The following PHF8 variants were observed in gnomAD, a reference collection of about 807,000 sequenced individuals.
PHF8 encodes the protein PHD finger protein 8, also known as histone lysine demethylase PHF8.
Under a neutral mutation model 74.4 loss-of-function variants are expected in PHF8, and 9 were observed. The ratio of observed to expected loss-of-function variants is 0.12; its 90% CI spans 0.07 to 0.21. PHF8 has a LOEUF of 0.21. PHF8 is among the 10% of genes least tolerant of loss of function. PHF8 has a pLI of 1.00. For missense variants in PHF8, 478 were observed against 816.6 expected (o/e 0.59, Z 5.05); for synonymous variants, 311 against 316.6 (o/e 0.98, Z 0.19).
intron 1 of PHF8, among the ~76,000 whole-genome samples, chrX:54,043,420 A>G (rs1227580855): frequency 9.0e-6 from 1 of 110,946 alleles, no homozygotes; most frequent in Non-Finnish European, 1.9e-5. Flanking sequence ...ATCACTCTCA[A>G]TATCATTCCT....
chrX:53,962,871 A>T lies in PHF8; in HGVS notation c.2512T>A (p.Ser838Thr), dbSNP rs1369444518. 2 of 1,188,152 alleles carry T rather than the reference A, an allele frequency of 1.7e-6. No homozygotes were observed. The highest frequency in any genetic ancestry group is 1.1e-6 in the Non-Finnish European group (1 of 874,313). ...LKSRPKKKKN[S>T]DDAPWSPKAR... The stretch of plus-strand genomic sequence containing the variant: ...TTAGGACTCCATGGAGCATCATCTG[A>T]ATTCTTCTTTTTCTTGGGTCGAGAT... Residue 838 changes from serine (S) to threonine (T), a missense_variant, in exon 19 of 22, where the codon TCA becomes ACA. Physicochemically the swap from Ser to Thr is moderately conservative, Grantham distance 58. Transcript: ENST00000338154.
chrX:53,996,027 AC>A (rs1237500574), intron 11 of PHF8, among the ~76,000 whole-genome samples: 2 of 110,862 alleles, frequency 1.8e-5, no homozygotes, highest in Admixed American at 9.6e-5. Flanking sequence ...AAAACTATAC[AC>A]CCTTTAGACC....
chrX:53,992,796 G>A lies in PHF8; in HGVS notation c.1670C>T (p.Ser557Leu). The part of the protein sequence containing the change: ...GACLNDSDDD[S>L]PDLDLDGNES... ...ATTTCCATCAAGGTCCAAGTCTGGT[G>A]AGTCGTCATCTGAGTCATTCAAGCA... Residue 557 changes from serine to leucine, a missense_variant, in exon 14 of 22, where the codon TCA becomes TTA. Physicochemically the swap from Ser to Leu is moderately radical, Grantham distance 145. This residue lies in a region of PHF8 where 153 missense variants were observed against 164.8 expected (regional missense o/e 0.93). Transcript: ENST00000338154. 3 of 1,205,495 alleles carry A rather than the reference G, an allele frequency of 2.5e-6. No homozygotes were observed. Among genetic ancestry groups the A allele is most frequent in the Non-Finnish European group, 3.4e-6 (3 of 890,648 alleles).
chrX:53,947,347 T>C (rs1410197250), intron 19 of PHF8, among the ~76,000 whole-genome samples: 2 of 112,424 alleles, frequency 1.8e-5, no homozygotes, highest in African/African-American at 6.5e-5. Flanking sequence ...AGAAAAAAGA[T>C]GTGGTGGTAC....
chrX:53,983,461 C>T (rs1557098625), intron 18 of PHF8, among the ~76,000 whole-genome samples: 1 of 111,578 alleles, frequency 9.0e-6, no homozygotes, highest in Non-Finnish European at 1.9e-5. Flanking sequence ...AAGACACCAT[C>T]TTTTGCCATA....
chrX:53,954,499 C>CAAAAAAAAAAAAAAAAAA (rs1180184175), intron 19 of PHF8, among the ~76,000 whole-genome samples: 1 of 13,138 alleles, frequency 7.6e-5, no homozygotes, highest in Non-Finnish European at 1.4e-4. Flanking sequence ...GACTCTGTCT[C>CAAAAAAAAAAAAAAAAAA]AAAAAAAAAA....
chrX:54,004,090 C>T (rs369188100), intron 8 of PHF8, among the ~76,000 whole-genome samples: 60 of 112,193 alleles, frequency 5.3e-4, no homozygotes, highest in African/African-American at 1.9e-3. Flanking sequence ...CCAGGGCACA[C>T]AGTAGACACT....
chrX:54,006,385 G>C (rs1208984693), intron 8 of PHF8, among the ~76,000 whole-genome samples: 1 of 110,427 alleles, frequency 9.1e-6, no homozygotes, highest in Non-Finnish European at 1.9e-5. Context: ...GGGAGGCTGA[G>C]GTGGGAGGAT....
chrX:54,023,109 G>A (rs782016779), intron 2 of PHF8, among the ~76,000 whole-genome samples: 1 of 110,357 alleles, frequency 9.1e-6, no homozygotes, highest in South Asian at 3.9e-4. Context: ...CCAATTAGCT[G>A]GGATTATAGG....
intron 19 of PHF8, 34 bp from the exon 20 acceptor site, chrX:53,944,277 A>C: frequency 9.6e-7 from 1 of 1,037,619 alleles, no homozygotes; most frequent in East Asian, 3.0e-5. Context: ...GGTGTCACTA[A>C]GACATTTATC....
intron 7 of PHF8, among the ~76,000 whole-genome samples, chrX:54,013,611 C>T (rs1315132872): frequency 9.1e-6 from 1 of 110,462 alleles, no homozygotes; most frequent in African/African-American, 3.3e-5. Flanking sequence ...TCAGGTCAGG[C>T]GTTCGAGACC....
intron 18 of PHF8, among the ~76,000 whole-genome samples, chrX:53,966,644 C>T (rs1246830046): frequency 4.5e-5 from 5 of 111,818 alleles, no homozygotes; most frequent in East Asian, 2.8e-4. Context: ...AGCCACTGCC[C>T]GGCCGCCACT....
At chrX:54,038,376 C>T (rs190354423) in intron 2 of PHF8, among the ~76,000 whole-genome samples, 1 of 112,219 alleles carries the variant, frequency 8.9e-6, no homozygotes, top group East Asian at 2.8e-4. Context: ...TTAGTCCATC[C>T]ATCCCTCAGT....
chrX:53,967,317 G>A (rs1363874061), intron 18 of PHF8, among the ~76,000 whole-genome samples: 1 of 105,936 alleles, frequency 9.4e-6, no homozygotes, highest in Admixed American at 9.8e-5. Flanking sequence ...GAGGGAGGTG[G>A]GGGGGTCAGC....
chrX:54,034,504 G>A (rs1048266365), intron 2 of PHF8, among the ~76,000 whole-genome samples: 3 of 111,439 alleles, frequency 2.7e-5, no homozygotes, highest in South Asian at 3.7e-4. Context: ...AAAACTAAAC[G>A]TATCTGTTGC....
chrX:53,973,438 A>G (rs781952889), intron 18 of PHF8, among the ~76,000 whole-genome samples: 13 of 111,826 alleles, frequency 1.2e-4, no homozygotes, highest in Middle Eastern at 4.6e-3. Flanking sequence ...ACTGGTACAA[A>G]GACAGACACA....
At chrX:53,966,690 C>T (rs1557092779) in intron 18 of PHF8, among the ~76,000 whole-genome samples, 1 of 111,458 alleles carries the variant, frequency 9.0e-6, no homozygotes, top group East Asian at 2.9e-4. Context: ...TGCCTGGCCA[C>T]CCATCGTCTG....
intron 6 of PHF8, among the ~76,000 whole-genome samples, chrX:54,015,749 A>T (rs2066057338): frequency 9.0e-6 from 1 of 110,802 alleles, no homozygotes; most frequent in Non-Finnish European, 1.9e-5. Flanking sequence ...AAATAATCAG[A>T]CAGTAAGTTT....
At chrX:54,042,081 T>G (rs1294105910) in intron 2 of PHF8, among the ~76,000 whole-genome samples, 1 of 111,121 alleles carries the variant, frequency 9.0e-6, no homozygotes, top group African/African-American at 3.3e-5. Flanking sequence ...GGCAGGCAGA[T>G]CTCCAGAGGT....
Sources: gnomAD v4.1 joint callset for allele counts (sites outside exome capture counted in the v4.1 genomes callset) on GRCh38, gnomAD v4.1.1 for gene constraint, gnomAD v4.1.1 regional missense constraint, MANE v1.5 for transcripts, NCBI Gene and HGNC (gene_info 2026-07-23, HGNC 2026-07-21) for gene names.